Variants in ZNF787 observed in about 807,000 individuals in gnomAD.
ZNF787 encodes the protein TTF-I-interacting peptide 20.
Under a neutral mutation model 16.9 loss-of-function variants are expected in ZNF787, and 7 were observed. The ratio of observed to expected loss-of-function variants is 0.42; its 90% CI spans 0.24 to 0.78. The LOEUF (loss-of-function observed/expected upper bound fraction) is 0.78, where lower values mean the gene tolerates loss of function less well. ZNF787 is among the 30% of genes least tolerant of loss of function. The pLI, the probability that ZNF787 is intolerant of heterozygous loss-of-function variation, is 0.30. For synonymous variants in ZNF787, 345 were observed against 270.9 expected (o/e 1.27, Z -2.69); for missense variants, 551 against 589.3 (o/e 0.94, Z 0.67).
intron 2 of ZNF787, among the ~76,000 whole-genome samples, chr19:56,095,049 G>C (rs985870148): frequency 6.6e-6 from 1 of 152,194 alleles, no homozygotes; most frequent in African/African-American, 2.4e-5. Flanking sequence ...GAGAGGTGGA[G>C]GTTGCAGTGA....
intron 2 of ZNF787, among the ~76,000 whole-genome samples, chr19:56,096,577 G>C (rs1985882746): frequency 6.6e-6 from 1 of 152,140 alleles, no homozygotes; most frequent in Admixed American, 6.5e-5. Context: ...GCCGGGCATG[G>C]TGGCGGGTGC....
In ZNF787 at chr19:56,088,375, G is replaced by A. The variant is rs1362725280; in HGVS notation, c.797C>T (p.Ala266Val). 10 of 1,114,756 alleles carry A rather than the reference G, an allele frequency of 9.0e-6. No individual in the cohort carries two copies. Among genetic ancestry groups the A allele is most frequent in the Non-Finnish European group, 1.1e-5 (10 of 913,554 alleles). The allele number at this position is 1,114,756 out of a possible 1,614,324, so 69.1% of individuals were successfully genotyped here. The change falls in exon 3 of 3, where the codon GCC (alanine) becomes GTC (valine). Residue 266 changes from alanine (A) to valine (V), a missense_variant. By Grantham distance (64) the Ala-to-Val change is moderately conservative. Coordinates refer to ENST00000610935, the MANE Select transcript of ZNF787 (RefSeq NM_001002836.4). This position sits in a 1 kb window ranked among gnomAD's most constrained non-coding sequence, Gnocchi z 8.6. ...GGCGCGCCGCGACCGGGGCCCCGCGGCCTTTGCCCCCGCGCCCGCCATGGC... is the reference window on the plus strand; with the variant it reads ...GGCGCGCCGCGACCGGGGCCCCGCGACCTTTGCCCCCGCGCCCGCCATGGC... Reference protein sequence around the residue: ...AAAMAGAGAKAAGPRSRRAPA... With the variant: ...AAAMAGAGAKVAGPRSRRAPA...
Position 56,088,014 on chromosome 19 carries a change from G to GCCCCCCCCCACCCGCCCC in ZNF787, c.*8_*9insGGGGCGGGTGGGGGGGGG. ...GGGCCCTGCCCGCCCCCCCCCCCGG[G>GCCCCCCCCCACCCGCCCC]CCCCTCCCCTACCGGCCCTCCCCAC... On this transcript the variant is annotated 3_prime_UTR_variant, in exon 3 of 3. Transcript: ENST00000610935. This position sits in a 1 kb window ranked among gnomAD's most constrained non-coding sequence, Gnocchi z 8.6. The GCCCCCCCCCACCCGCCCC allele has an allele frequency of 1.0e-6, 1 of 1,001,640 alleles. No individual in the cohort carries two copies. Among genetic ancestry groups the GCCCCCCCCCACCCGCCCC allele is most frequent in the South Asian group, 4.1e-5 (1 of 24,616 alleles). 62.0% of individuals were successfully genotyped at this position (1,001,640 alleles called of 1,614,324 possible).
intron 2 of ZNF787, among the ~76,000 whole-genome samples, chr19:56,089,964 G>C (rs912181304): frequency 3.3e-5 from 5 of 152,116 alleles, no homozygotes; most frequent in Admixed American, 6.5e-5. Context: ...CTCTCCCTTG[G>C]GGCCTGGTCC....
intron 2 of ZNF787, among the ~76,000 whole-genome samples, chr19:56,090,369 T>C (rs1985526761): frequency 1.3e-5 from 2 of 152,026 alleles, no homozygotes; most frequent in African/African-American, 4.8e-5. Context: ...AGAAGCGCAT[T>C]AGTAGACTGG....
intron 1 of ZNF787, among the ~76,000 whole-genome samples, chr19:56,112,497 C>A (rs1202937029): frequency 2.0e-5 from 3 of 151,946 alleles, no homozygotes; most frequent in African/African-American, 7.3e-5. Context: ...GTCCCGCCCA[C>A]CCCTCTGGAG....
At chr19:56,092,338 TCC>T (rs1985638106) in intron 2 of ZNF787, among the ~76,000 whole-genome samples, 3 of 152,074 alleles carry the variant, frequency 2.0e-5, no homozygotes, top group African/African-American at 7.2e-5. Flanking sequence ...ACTATCACTG[TCC>T]TCTCACTGAA....
chr19:56,104,910 G>T (rs998733056), intron 1 of ZNF787, among the ~76,000 whole-genome samples: 3 of 152,202 alleles, frequency 2.0e-5, no homozygotes, highest in Non-Finnish European at 4.4e-5. Flanking sequence ...AGGTGGATCA[G>T]TGGAGGTCTG....
chr19:56,117,140 C>T (rs892023550), intron 1 of ZNF787, among the ~76,000 whole-genome samples: 5 of 152,208 alleles, frequency 3.3e-5, no homozygotes, highest in African/African-American at 4.8e-5. Flanking sequence ...GTGTCAAGTG[C>T]TCACCCAAAA....
intron 1 of ZNF787, among the ~76,000 whole-genome samples, chr19:56,110,493 G>A (rs1568533983): frequency 6.6e-6 from 1 of 151,140 alleles, no homozygotes; most frequent in Non-Finnish European, 1.5e-5. Flanking sequence ...TTAAAAATGC[G>A]TAAGACTCAG....
intron 2 of ZNF787, among the ~76,000 whole-genome samples, chr19:56,100,041 G>A (rs1395475372): frequency 1.3e-5 from 2 of 152,230 alleles, no homozygotes; most frequent in Non-Finnish European, 2.9e-5. Flanking sequence ...ACAGGGCTGG[G>A]GCCGTGGTGG....
intron 2 of ZNF787, among the ~76,000 whole-genome samples, chr19:56,091,091 G>GT (rs1985556202): frequency 6.6e-6 from 1 of 152,212 alleles, no homozygotes; most frequent in Non-Finnish European, 1.5e-5. Context: ...AAAAAATGTT[G>GT]TAAGTTATAA....
At chr19:56,095,548 G>A (rs928316936) in intron 2 of ZNF787, among the ~76,000 whole-genome samples, 1 of 152,200 alleles carries the variant, frequency 6.6e-6, no homozygotes, top group Non-Finnish European at 1.5e-5. Flanking sequence ...TAAAAACGCT[G>A]CAACCAGCCT....
At chr19:56,091,056 G>A (rs1296425052) in intron 2 of ZNF787, among the ~76,000 whole-genome samples, 1 of 152,230 alleles carries the variant, frequency 6.6e-6, no homozygotes, top group African/African-American at 2.4e-5. Flanking sequence ...ATGGCATGGA[G>A]CCCACTGCGT....
At chr19:56,110,100 G>A (rs1024301606) in intron 1 of ZNF787, among the ~76,000 whole-genome samples, 19 of 152,146 alleles carry the variant, frequency 1.2e-4, no homozygotes, top group South Asian at 2.1e-4. Flanking sequence ...GGTGGCTCAC[G>A]CCTGTAATCC....
At chr19:56,104,637 G>C (rs1986232446) in intron 1 of ZNF787, among the ~76,000 whole-genome samples, 1 of 152,114 alleles carries the variant, frequency 6.6e-6, no homozygotes, top group Admixed American at 6.5e-5. Flanking sequence ...CATGCACCAA[G>C]AGGATCTCTA....
intron 1 of ZNF787, among the ~76,000 whole-genome samples, chr19:56,103,701 G>A (rs917215044): frequency 1.3e-5 from 2 of 152,130 alleles, no homozygotes; most frequent in African/African-American, 4.8e-5. Flanking sequence ...GGCAACAGGC[G>A]CCTAAGGGTC....
intron 2 of ZNF787, among the ~76,000 whole-genome samples, chr19:56,093,869 G>A (rs751008714): frequency 2.0e-5 from 3 of 152,190 alleles, no homozygotes; most frequent in Non-Finnish European, 4.4e-5. Context: ...CTTTCAATGC[G>A]CAGCTTTCAT....
Position 56,087,580 on chromosome 19 carries a change from AAAATTCTAAAAG to A in ZNF787, c.*431_*442del, listed in dbSNP as rs1985308697. 7.0e-6 allele frequency: 1 copy of A among 142,072 alleles called. No individual in the cohort carries two copies. Among genetic ancestry groups the A allele is most frequent in the Non-Finnish European group, 1.5e-5 (1 of 64,660 alleles). The allele number at this position is 142,072 out of a possible 1,614,324, so 8.8% of individuals were successfully genotyped here. The stretch of plus-strand genomic sequence containing the variant: ...AGTCAAAAGGTGGGCTGATTAAAAG[AAAATTCTAAAAG>A]AGAAAAGGGCCCCTGGTTCTCTTCC... On this transcript the variant is annotated 3_prime_UTR_variant, in exon 3 of 3. Transcript: ENST00000610935.
Sources: allele counts gnomAD v4.1 joint callset (sites outside exome capture counted in the v4.1 genomes callset), GRCh38; gene constraint gnomAD v4.1.1; non-coding constraint Gnocchi (gnomAD v3.1); transcripts MANE v1.5; gene names NCBI Gene and HGNC (gene_info 2026-07-23, HGNC 2026-07-21).